The following TCF7L2 variants were observed in gnomAD, a reference collection of about 807,000 sequenced individuals.
TCF7L2 encodes transcription factor 7 like 2.
A neutral mutation model predicts 77.9 loss-of-function variants in TCF7L2; 23 were observed. That is an observed-to-expected ratio of 0.30 (90% CI 0.21 to 0.42). TCF7L2 has a LOEUF of 0.42. Ranked by LOEUF, TCF7L2 falls within the 10% of genes least tolerant of loss-of-function variation. TCF7L2 has a pLI of 1.00. For synonymous variants in TCF7L2, 413 were observed against 340.2 expected (o/e 1.21, Z -2.36); for missense variants, 654 against 793.1 (o/e 0.82, Z 2.11).
At chr10:113,127,324 T>G (rs2065816988) in intron 5 of TCF7L2, among the ~76,000 whole-genome samples, 1 of 151,372 alleles carries the variant, frequency 6.6e-6, no homozygotes, top group South Asian at 2.1e-4. Flanking sequence ...TCCCCAAATA[T>G]TTTCGTAAAG....
intron 13 of TCF7L2, chr10:113,160,728 G>A (rs940701638): frequency 6.4e-7 from 1 of 1,552,516 alleles, no homozygotes; most frequent in Non-Finnish European, 8.7e-7. Context: ...GAAAATCAAA[G>A]CATTCTGTCC....
intron 4 of TCF7L2, among the ~76,000 whole-genome samples, chr10:112,967,461 A>T (rs2037215196): frequency 6.6e-6 from 1 of 152,116 alleles, no homozygotes; most frequent in Admixed American, 6.6e-5. Flanking sequence ...GTGATTCTAT[A>T]GACACGTCAC....
chr10:113,096,562 G>C (rs1242027746), intron 5 of TCF7L2, among the ~76,000 whole-genome samples: 1 of 152,054 alleles, frequency 6.6e-6, no homozygotes, highest in African/African-American at 2.4e-5. Flanking sequence ...TTTGCATTAA[G>C]AAAAATCAGT....
At chr10:113,086,647 C>T (rs1055305144) in intron 5 of TCF7L2, among the ~76,000 whole-genome samples, 2 of 151,764 alleles carry the variant, frequency 1.3e-5, no homozygotes, top group Non-Finnish European at 2.9e-5. Flanking sequence ...GTATTGTTAC[C>T]AGAAAAATCA....
intron 5 of TCF7L2, chr10:113,129,133 G>A (rs550020608): frequency 1.2e-5 from 2 of 170,924 alleles, no homozygotes; most frequent in East Asian, 1.9e-4. Flanking sequence ...AAGAGAGGGT[G>A]TATACAGGGC....
At chr10:113,019,057 A>T (rs2047841217) in intron 4 of TCF7L2, among the ~76,000 whole-genome samples, 1 of 152,136 alleles carries the variant, frequency 6.6e-6, no homozygotes, top group Non-Finnish European at 1.5e-5. Flanking sequence ...AAGAAATTGC[A>T]CCTGTCCTGG....
At chr10:113,147,924 C>T (rs950889687) in intron 8 of TCF7L2, among the ~76,000 whole-genome samples, 1 of 151,994 alleles carries the variant, frequency 6.6e-6, no homozygotes, top group Non-Finnish European at 1.5e-5. Context: ...CGGGGAGAGG[C>T]GGCCGACTCC....
intron 7 of TCF7L2, among the ~76,000 whole-genome samples, chr10:113,144,431 G>A (rs746049996): frequency 2.6e-5 from 4 of 152,046 alleles, no homozygotes; most frequent in Non-Finnish European, 4.4e-5. Context: ...TGAGGCTGTC[G>A]AGTCCTCCAT....
chr10:113,117,403 CT>C (rs2063908010), intron 5 of TCF7L2, among the ~76,000 whole-genome samples: 1 of 49,036 alleles, frequency 2.0e-5, no homozygotes, highest in Non-Finnish European at 4.3e-5. Context: ...CTCTCTCTCT[CT>C]CTCTCTCTCT....
At chr10:113,020,313 G>T (rs986232199) in intron 4 of TCF7L2, among the ~76,000 whole-genome samples, 1 of 152,186 alleles carries the variant, frequency 6.6e-6, no homozygotes, top group Non-Finnish European at 1.5e-5. Flanking sequence ...AGGCAGCTGG[G>T]AAGAAGGTCA....
chr10:113,040,005 CT>C lies in TCF7L2; in HGVS notation c.451-16del. The C allele has an allele frequency of 6.2e-7, 1 of 1,606,296 alleles. No individual in the cohort carries two copies. Among genetic ancestry groups the C allele is most frequent in the Non-Finnish European group, 8.5e-7 (1 of 1,175,544 alleles). ...TCTGAATTCATTGTTTTTCATTTCA[CT>C]TTTGTTTCCTCTCGCCAGTATCTCC... On this transcript the variant is annotated intron_variant, in intron 4 of 13. Coordinates refer to ENST00000627217, the MANE Select transcript of TCF7L2 (RefSeq NM_001146274.2).
intron 3 of TCF7L2, among the ~76,000 whole-genome samples, chr10:112,957,757 T>A (rs2034048498): frequency 6.6e-6 from 1 of 152,178 alleles, no homozygotes; most frequent in South Asian, 2.1e-4. Flanking sequence ...TATCAGTTAC[T>A]GTGTAAGCAT....
chr10:112,988,959 G>A (rs148901241), intron 4 of TCF7L2, among the ~76,000 whole-genome samples: 90 of 152,304 alleles, frequency 5.9e-4, no homozygotes, highest in African/African-American at 1.9e-3. Context: ...GACTTGCCCA[G>A]GGATACATAG....
At chr10:112,954,450 A>G (rs956327560) in intron 3 of TCF7L2, among the ~76,000 whole-genome samples, 1 of 152,218 alleles carries the variant, frequency 6.6e-6, no homozygotes, top group African/African-American at 2.4e-5. Flanking sequence ...ATTGCTGAAG[A>G]CACCATAAAG....
rs140037771 is a variant in TCF7L2, at chr10:113,027,006, G to T, written c.451-13019G>T. On this transcript the variant is annotated intron_variant, in intron 4 of 13. Coordinates refer to ENST00000627217, the MANE Select transcript of TCF7L2 (RefSeq NM_001146274.2). ...GACTAAAACCACAAAAGCAGAGAACGAGTTGGGTTAGAGAGGCATAGTGGC... is the reference window on the plus strand; with the variant it reads ...GACTAAAACCACAAAAGCAGAGAACTAGTTGGGTTAGAGAGGCATAGTGGC... Among the ~76,000 whole-genome samples the T allele has an allele frequency of 2.5e-4, 38 of 152,332 alleles. No homozygotes were observed. In the East Asian group the frequency reaches 7.1e-3, roughly 29 times the overall value.
chr10:113,124,318 A>G (rs951409093), intron 5 of TCF7L2, among the ~76,000 whole-genome samples: 5 of 152,232 alleles, frequency 3.3e-5, no homozygotes, highest in Non-Finnish European at 5.9e-5. Flanking sequence ...CTAAGGGTTG[A>G]TAATGGTATT....
At chr10:113,110,744 C>T (rs1591818396) in intron 5 of TCF7L2, among the ~76,000 whole-genome samples, 1 of 152,126 alleles carries the variant, frequency 6.6e-6, no homozygotes, top group Non-Finnish European at 1.5e-5. Context: ...TATGGAAGTA[C>T]AAGAAAGCCT....
At chr10:113,004,299 G>A (rs2045094756) in intron 4 of TCF7L2, among the ~76,000 whole-genome samples, 1 of 152,140 alleles carries the variant, frequency 6.6e-6, no homozygotes, top group African/African-American at 2.4e-5. Context: ...GAGGAAGTAT[G>A]GGGTCTCTGT....
chr10:113,112,925 C>T (rs1169223922), intron 5 of TCF7L2, among the ~76,000 whole-genome samples: 1 of 152,114 alleles, frequency 6.6e-6, no homozygotes, highest in Non-Finnish European at 1.5e-5. Context: ...CCTGATTATG[C>T]TTTTCTGGTG....
Sources: gnomAD v4.1 joint callset for allele counts (sites outside exome capture counted in the v4.1 genomes callset) on GRCh38, gnomAD v4.1.1 for gene constraint, MANE v1.5 for transcripts, NCBI Gene and HGNC (gene_info 2026-07-23, HGNC 2026-07-21) for gene names.